Variants in PI4KA observed in about 807,000 individuals in gnomAD.
PI4KA encodes the protein phosphatidylinositol 4-kinase alpha.
Under a neutral mutation model 271.4 loss-of-function variants are expected in PI4KA, and 122 were observed. The ratio of observed to expected loss-of-function variants is 0.45; its 90% CI spans 0.39 to 0.52. The LOEUF (loss-of-function observed/expected upper bound fraction) is 0.52. PI4KA is among the 20% of genes least tolerant of loss of function. The pLI, the probability that PI4KA is intolerant of heterozygous loss-of-function variation, is 0.00. For missense variants in PI4KA, 1,969 were observed against 2,769.1 expected (o/e 0.71, Z 6.48); for synonymous variants, 1,041 against 1,078.8 (o/e 0.96, Z 0.69).
chr22:20,745,477 AT>A (rs955726520), intron 29 of PI4KA, among the ~76,000 whole-genome samples: 7 of 151,638 alleles, frequency 4.6e-5, no homozygotes, highest in African/African-American at 1.7e-4. Flanking sequence ...GTTTAGAGGG[AT>A]TTTTTTTTGA....
intron 7 of PI4KA, among the ~76,000 whole-genome samples, chr22:20,814,260 T>G (rs1358614759): frequency 1.3e-5 from 2 of 152,168 alleles, no homozygotes; most frequent in African/African-American, 2.4e-5. Context: ...ACAAATACTG[T>G]ACGATCCCAC....
Position 20,796,072 on chromosome 22 carries a change from G to A in PI4KA, c.2277+74C>T, listed in dbSNP as rs1934967323. The stretch of plus-strand genomic sequence containing the variant: ...GAAAGTGCCATATTCCAACCAAGAT[G>A]GTGCCTGAAGACTAAGCCTTGGCCA... On this transcript the variant is annotated intron_variant, in intron 18 of 54. Coordinates refer to ENST00000255882, the MANE Select transcript of PI4KA (RefSeq NM_058004.4). 21 of 1,381,846 alleles carry A rather than the reference G, an allele frequency of 1.5e-5. No homozygotes were observed. In the South Asian group the frequency reaches 2.3e-4, roughly 15 times the overall value. The allele number at this position is 1,381,846 out of a possible 1,614,324, so 85.6% of individuals were successfully genotyped here. A position where few individuals can be genotyped will look rare whatever the true frequency, so the allele number is the denominator to read the frequency against.
At chr22:20,766,340 G>T (rs1182087434) in intron 19 of PI4KA, among the ~76,000 whole-genome samples, 1 of 152,124 alleles carries the variant, frequency 6.6e-6, no homozygotes, top group African/African-American at 2.4e-5. Flanking sequence ...ATGCTGGGGG[G>T]AGGCAGGGAG....
At chr22:20,819,165 A>C (rs985755884) in intron 6 of PI4KA, among the ~76,000 whole-genome samples, 2 of 152,216 alleles carry the variant, frequency 1.3e-5, no homozygotes, top group African/African-American at 4.8e-5. Flanking sequence ...TCATATGTGT[A>C]ATCTATAGTA....
intron 50 of PI4KA, among the ~76,000 whole-genome samples, chr22:20,711,830 T>C (rs928148887): frequency 6.6e-6 from 1 of 151,912 alleles, no homozygotes; most frequent in Non-Finnish European, 1.5e-5. Flanking sequence ...CTGCAACCTC[T>C]GCCTCCTGGG....
At chr22:20,714,569 G>A (rs750489198) in intron 46 of PI4KA, 41 bp from the exon 47 acceptor site, 46 of 1,613,850 alleles carry the variant, frequency 2.9e-5, no homozygotes, top group South Asian at 2.5e-4. Context: ...TGATGCAGCC[G>A]AGAAAAACTT....
At chr22:20,735,726 C>T (rs542627755) in intron 32 of PI4KA, among the ~76,000 whole-genome samples, 9 of 152,348 alleles carry the variant, frequency 5.9e-5, no homozygotes, top group East Asian at 5.8e-4. Context: ...CAGGAGCCGA[C>T]GGGAGCCCGG....
intron 1 of PI4KA, among the ~76,000 whole-genome samples, chr22:20,855,835 G>T (rs1207907535): frequency 6.6e-6 from 1 of 152,198 alleles, no homozygotes; most frequent in African/African-American, 2.4e-5. Context: ...AAGGATCTAG[G>T]CATAGTGAAC....
At chr22:20,799,620 A>G in intron 15 of PI4KA, 51 bp downstream of exon 15, 1 of 1,309,392 alleles carries the variant, frequency 7.6e-7, no homozygotes, top group Non-Finnish European at 1.1e-6. Flanking sequence ...GCCCCACACG[A>G]GCCTGCTGAG....
intron 1 of PI4KA, among the ~76,000 whole-genome samples, chr22:20,850,863 G>A (rs1261934235): frequency 6.6e-6 from 1 of 151,996 alleles, no homozygotes; most frequent in South Asian, 2.1e-4. Flanking sequence ...AAGATAGTAA[G>A]ACCCCATCTC....
chr22:20,722,756 C>G (rs911900075), intron 42 of PI4KA, among the ~76,000 whole-genome samples: 1 of 152,146 alleles, frequency 6.6e-6, no homozygotes, highest in South Asian at 2.1e-4. Flanking sequence ...GGTGAAGTGT[C>G]CCTTGGATGG....
chr22:20,760,088 A>G (rs1568998984), intron 23 of PI4KA, among the ~76,000 whole-genome samples: 2 of 152,220 alleles, frequency 1.3e-5, no homozygotes, highest in Non-Finnish European at 2.9e-5. Flanking sequence ...TCACCAACCT[A>G]TCAAAGGCTT....
intron 22 of PI4KA, 61 bp downstream of exon 22, chr22:20,764,755 CA>C: frequency 1.3e-6 from 2 of 1,514,534 alleles, no homozygotes; most frequent in African/African-American, 1.4e-5. Context: ...TACGAGGGCA[CA>C]AAAATGAAAA....
Position 20,744,734 on chromosome 22 carries a change from A to G in PI4KA, c.3364-14T>C. 32 of 1,606,934 alleles carry G rather than the reference A, an allele frequency of 2.0e-5. No homozygotes were observed. The highest frequency in any genetic ancestry group is 2.6e-5 in the Non-Finnish European group (31 of 1,173,416). On this transcript the variant is annotated splice_polypyrimidine_tract_variant and intron_variant, in intron 29 of 54. Coordinates refer to ENST00000255882, the MANE Select transcript of PI4KA (RefSeq NM_058004.4). ...CAGCTGAGTTGCCTACAGACAGATA[A>G]CCATTATTGTAGACTATGGCAGCAC... is the stretch of plus-strand genomic sequence containing the variant.
chr22:20,786,798 T>C (rs1184079402), intron 19 of PI4KA: 5 of 1,379,940 alleles, frequency 3.6e-6, no homozygotes, highest in Non-Finnish European at 5.2e-6. Flanking sequence ...TTTCCCTGAA[T>C]GATATGAGAT....
At chr22:20,758,237 C>T (rs549904580) in intron 23 of PI4KA, among the ~76,000 whole-genome samples, 2 of 151,590 alleles carry the variant, frequency 1.3e-5, no homozygotes, top group African/African-American at 4.8e-5. Context: ...TGGTGGTGGG[C>T]GCCTGTAGTC....
rs868595945 is a variant in PI4KA, at chr22:20,778,365, G to A, written c.2329-12672C>T. On this transcript the variant is annotated intron_variant, in intron 19 of 54. Coordinates refer to ENST00000255882, the MANE Select transcript of PI4KA (RefSeq NM_058004.4). ...AACAAAATACAAAAATTAACCAGGC[G>A]TAGTGGTGTGCACCTGTAGTCCCAG... Among the ~76,000 whole-genome samples the A allele has an allele frequency of 4.6e-5, 7 of 152,146 alleles. No individual in the cohort carries two copies. The Middle Eastern group carries it at 0.01, about 222-fold the overall frequency.
chr22:20,727,197 C>T, intron 41 of PI4KA, 33 bp downstream of exon 41: 1 of 1,595,066 alleles, frequency 6.3e-7, no homozygotes. Context: ...AACAGTCCTA[C>T]CAGAGGCCAG....
chr22:20,740,498 C>A (rs914158494), intron 32 of PI4KA, among the ~76,000 whole-genome samples: 5 of 151,510 alleles, frequency 3.3e-5, no homozygotes, highest in African/African-American at 9.7e-5. Context: ...AAATACTGAC[C>A]TCAAGATTTC....
Sources: allele counts gnomAD v4.1 joint callset (sites outside exome capture counted in the v4.1 genomes callset), GRCh38; gene constraint gnomAD v4.1.1; transcripts MANE v1.5; gene names NCBI Gene and HGNC (gene_info 2026-07-23, HGNC 2026-07-21).